Variants in ANO10 observed in about 807,000 individuals in gnomAD.
The protein encoded by ANO10 is anoctamin 10.
A neutral mutation model predicts 74.7 loss-of-function variants in ANO10; 77 were observed. The observed-to-expected ratio is 1.03, with a 90% CI of 0.86 to 1.25. ANO10 has a LOEUF of 1.25. Among genes scored for constraint, ANO10 ranks in the 50% most tolerant of loss-of-function variants. The probability of loss-of-function intolerance (pLI) is 0.00; values close to 1 mark genes in which losing one functional copy is unlikely to be tolerated. For missense variants in ANO10, 721 were observed against 778.1 expected, an observed-to-expected ratio of 0.93 and a Z score of 0.87; for synonymous variants, 279 against 284.9, an observed-to-expected ratio of 0.98 and a Z score of 0.21.
At chr3:43,373,769 C>G (rs909970661) in intron 12 of ANO10, among the ~76,000 whole-genome samples, 4 of 152,190 alleles carry the variant, frequency 2.6e-5, no homozygotes, top group Admixed American at 6.5e-5. Flanking sequence ...CCTCCCAAAT[C>G]TGGGAGTTGG....
intron 11 of ANO10, chr3:43,484,996 G>T: frequency 6.9e-7 from 1 of 1,455,514 alleles, no homozygotes. Flanking sequence ...TGGGCCTCTT[G>T]GTGGTGAGGC....
At chr3:43,455,000 T>C (rs538854363) in intron 11 of ANO10, among the ~76,000 whole-genome samples, 49 of 152,032 alleles carry the variant, frequency 3.2e-4, no homozygotes, top group Admixed American at 1.4e-3. Flanking sequence ...TGTGAGAGAA[T>C]AGAATCCAGC....
chr3:43,632,176 G>C (rs557133540), intron 1 of ANO10, among the ~76,000 whole-genome samples: 6 of 152,180 alleles, frequency 3.9e-5, no homozygotes, highest in African/African-American at 1.4e-4. Context: ...TTAAATTGAC[G>C]GTGCTGGTTA....
In ANO10 at chr3:43,577,286, A is replaced by C. The variant is rs368965701; in HGVS notation, c.593-25T>G. On this transcript the variant is annotated intron_variant, in intron 5 of 12. Coordinates refer to ENST00000292246, the MANE Select transcript of ANO10 (RefSeq NM_018075.5). ...TCTATAGTGGAAACAAAGAAAGAAC[A>C]TAAGTATAGACTACCAAACACTTTA... The C allele has an allele frequency of 6.3e-6, 10 of 1,599,282 alleles. No homozygotes were observed. In the South Asian group the frequency reaches 8.9e-5, roughly 14 times the overall value.
At chr3:43,464,675 T>C (rs1015011929) in intron 11 of ANO10, among the ~76,000 whole-genome samples, 1 of 151,578 alleles carries the variant, frequency 6.6e-6, no homozygotes, top group Non-Finnish European at 1.5e-5. Context: ...AGAGACCCCA[T>C]ATAAAAAAAA....
At chr3:43,613,921 C>T (rs1331673622) in intron 1 of ANO10, among the ~76,000 whole-genome samples, 1 of 151,970 alleles carries the variant, frequency 6.6e-6, no homozygotes, top group Admixed American at 6.6e-5. Context: ...GTAGCAGGAA[C>T]CCAAAAAGTA....
At chr3:43,556,717 G>A (rs1347818440) in intron 9 of ANO10, among the ~76,000 whole-genome samples, 1 of 152,082 alleles carries the variant, frequency 6.6e-6, no homozygotes, top group Admixed American at 6.5e-5. Flanking sequence ...ACTCAGCTGA[G>A]AAGTTTTAAA....
rs755350106 is a variant in ANO10 at position 43,580,446 on chromosome 3, C to G, written c.499G>C (p.Val167Leu). The G allele has an allele frequency of 1.9e-5, 30 of 1,613,710 alleles. No homozygotes were observed. Among genetic ancestry groups the G allele is most frequent in the Middle Eastern group, 1.6e-4 (1 of 6,084 alleles). Residue 167 changes from valine to leucine, a missense_variant, in exon 5 of 13, where the codon GTG becomes CTG. Val to Leu is a conservative substitution (Grantham distance 32). Coordinates refer to ENST00000292246, the MANE Select transcript of ANO10 (RefSeq NM_018075.5). ...TCATGCAGTGGAAACACCTGAATCACGATGCCAGACGTGAGCAATCTTCTC... is the reference window on the plus strand; with the variant it reads ...TCATGCAGTGGAAACACCTGAATCAGGATGCCAGACGTGAGCAATCTTCTC... ...LLRRLLTSGI[V>L]IQVFPLHDSE...
intron 11 of ANO10, among the ~76,000 whole-genome samples, chr3:43,477,669 C>T (rs964011592): frequency 1.3e-5 from 2 of 152,172 alleles, no homozygotes; most frequent in Non-Finnish European, 2.9e-5. Flanking sequence ...TGACAAATTA[C>T]CCCTCATCTT....
At chr3:43,468,836 G>A (rs1330684271) in intron 11 of ANO10, among the ~76,000 whole-genome samples, 26 of 150,490 alleles carry the variant, frequency 1.7e-4, no homozygotes, top group African/African-American at 6.4e-4. Context: ...TCAGCCTCCC[G>A]AGTAGCTGGG....
intron 7 of ANO10, among the ~76,000 whole-genome samples, chr3:43,571,138 C>T (rs1461198312): frequency 6.7e-6 from 1 of 149,894 alleles, no homozygotes; most frequent in Non-Finnish European, 1.5e-5. Flanking sequence ...CAATGAGATA[C>T]CATCTCACAC....
chr3:43,644,490 G>A (rs140917077), intron 1 of ANO10, among the ~76,000 whole-genome samples: 10 of 152,272 alleles, frequency 6.6e-5, no homozygotes, highest in Middle Eastern at 3.4e-3. Flanking sequence ...AACAATGCAC[G>A]CACAGTGTGT....
At chr3:43,406,457 C>T (rs1172778530) in intron 12 of ANO10, among the ~76,000 whole-genome samples, 2 of 152,152 alleles carry the variant, frequency 1.3e-5, no homozygotes, top group South Asian at 4.1e-4. Context: ...AAAAAATAAG[C>T]CATCATCACC....
At chr3:43,431,224 C>T (rs1242414737) in intron 12 of ANO10, among the ~76,000 whole-genome samples, 1 of 151,888 alleles carries the variant, frequency 6.6e-6, no homozygotes, top group African/African-American at 2.4e-5. Context: ...AAGCGTGCAC[C>T]ACCATGCCTG....
intron 11 of ANO10, among the ~76,000 whole-genome samples, chr3:43,459,452 C>T (rs1390731827): frequency 6.6e-6 from 1 of 152,138 alleles, no homozygotes; most frequent in Non-Finnish European, 1.5e-5. Context: ...TGAGGGAGGG[C>T]TTGCTGGCAA....
chr3:43,465,171 G>A (rs965248798), intron 11 of ANO10, among the ~76,000 whole-genome samples: 1 of 152,068 alleles, frequency 6.6e-6, no homozygotes, highest in Admixed American at 6.6e-5. Flanking sequence ...CAGGATAAAA[G>A]GTCAACATAA....
At position 43,611,620 on chromosome 3, in the gene ANO10, C is replaced by T. The variant is rs566691142; in HGVS notation, c.-11-5757G>A. Among the ~76,000 whole-genome samples the T allele has an allele frequency of 2.6e-5, 4 of 152,266 alleles. No homozygotes were observed. The South Asian group carries it at 6.2e-4, about 24-fold the overall frequency. Reference sequence around the variant, plus strand: ...AAAGTGGGATTAATAAAAGTACATGCCACAGTGAATGGTGTGAAAGGAAAT... The same window carrying T: ...AAAGTGGGATTAATAAAAGTACATGTCACAGTGAATGGTGTGAAAGGAAAT... On this transcript the variant is annotated intron_variant, in intron 1 of 12. Transcript: ENST00000292246.
chr3:43,381,909 A>G (rs986566681), intron 12 of ANO10, among the ~76,000 whole-genome samples: 2 of 152,230 alleles, frequency 1.3e-5, no homozygotes, highest in African/African-American at 4.8e-5. Context: ...ATCAACTCCA[A>G]AAGAAACCCT....
intron 1 of ANO10, chr3:43,691,133 C>T: frequency 1.6e-6 from 2 of 1,263,298 alleles, no homozygotes; most frequent in South Asian, 4.4e-5. Context: ...AAGGAGTCGC[C>T]GCCCGCCTGG....
Sources: allele counts gnomAD v4.1 joint callset (sites outside exome capture counted in the v4.1 genomes callset), GRCh38; gene constraint gnomAD v4.1.1; transcripts MANE v1.5; gene names NCBI Gene and HGNC (gene_info 2026-07-23, HGNC 2026-07-21).